Variants in CNGB3 observed in about 807,000 individuals in gnomAD.
CNGB3 encodes the protein cyclic nucleotide gated channel subunit beta 3.
A neutral mutation model predicts 92.8 loss-of-function variants in CNGB3; 86 were observed. The observed-to-expected ratio is 0.93, with a 90% confidence interval of 0.78 to 1.11. CNGB3 has a LOEUF of 1.11. Ranked by LOEUF, CNGB3 falls within the 50% of genes least tolerant of loss-of-function variation. The pLI, the probability that CNGB3 is intolerant of heterozygous loss-of-function variation, is 0.00. For missense variants in CNGB3, 1,026 were observed against 956.8 expected, an observed-to-expected ratio of 1.07 and a Z score of -0.95; for synonymous variants, 333 against 332.7, an observed-to-expected ratio of 1.00 and a Z score of -0.01.
chr8:86,707,468 T>C (rs78599189), intron 3 of CNGB3: 2 of 151,818 alleles, frequency 1.3e-5, no homozygotes, highest in African/African-American at 4.9e-5. Flanking sequence ...GAGGGAAGAG[T>C]TATGCAGATA....
intron 6 of CNGB3, chr8:86,660,464 A>C (rs575417171): frequency 1.9e-6 from 1 of 515,924 alleles, no homozygotes; most frequent in South Asian, 1.5e-5. Context: ...CCCATTGGTC[A>C]ATGAGAAAGA....
chr8:86,610,432 T>C (rs955516824), intron 14 of CNGB3, among the ~76,000 whole-genome samples: 1 of 149,130 alleles, frequency 6.7e-6, no homozygotes, highest in African/African-American at 2.6e-5. Context: ...CATTCTTTCC[T>C]CTACCCAGAA....
intron 10 of CNGB3, among the ~76,000 whole-genome samples, chr8:86,643,095 G>C (rs529289479): frequency 6.8e-6 from 1 of 147,034 alleles, no homozygotes; most frequent in Non-Finnish European, 1.5e-5. Flanking sequence ...GCCAACTCAG[G>C]ATACACACAC....
Position 86,628,911 on chromosome 8 carries a change from A to G in CNGB3, c.1480+8T>C, listed in dbSNP as rs758101563. 1 of 1,613,552 alleles carries G rather than the reference A, an allele frequency of 6.2e-7. No homozygotes were observed. The highest frequency in any genetic ancestry group is 1.7e-4 in the Middle Eastern group (1 of 6,054). ...ACAGGAATTTAATCGGTAATCTGCC[A>G]TGCTTACCTAGCATTCTTTGAGAGT... On this transcript the variant is annotated splice_region_variant and intron_variant, in intron 12 of 17. Transcript: ENST00000320005.
intron 2 of CNGB3, among the ~76,000 whole-genome samples, chr8:86,728,916 G>C (rs1825110934): frequency 1.3e-5 from 2 of 152,038 alleles, no homozygotes; most frequent in African/African-American, 4.8e-5. Flanking sequence ...TATTGGCTAT[G>C]GGTTTTTGTT....
At chr8:86,688,252 T>G (rs906847146) in intron 3 of CNGB3, among the ~76,000 whole-genome samples, 1 of 152,060 alleles carries the variant, frequency 6.6e-6, no homozygotes, top group Non-Finnish European at 1.5e-5. Flanking sequence ...TCAATAAATT[T>G]TGTACATTGA....
intron 6 of CNGB3, among the ~76,000 whole-genome samples, chr8:86,656,592 C>T (rs1442755166): frequency 3.9e-5 from 6 of 152,122 alleles, no homozygotes; most frequent in African/African-American, 1.2e-4. Context: ...AGTGACATTT[C>T]TTCAGGGGAG....
intron 1 of CNGB3, among the ~76,000 whole-genome samples, chr8:86,741,126 A>T (rs1825333078): frequency 6.6e-6 from 1 of 152,222 alleles, no homozygotes; most frequent in Admixed American, 6.5e-5. Context: ...TAAAAAACAC[A>T]ACATACATTG....
At chr8:86,739,620 G>GTTTTTTTT in intron 2 of CNGB3, 35 bp downstream of exon 2, 46 of 1,488,464 alleles carry the variant, frequency 3.1e-5, no homozygotes, top group East Asian at 1.7e-4. Flanking sequence ...TCACTTTTTA[G>GTTTTTTTT]TTTTTTTTTT....
intron 7 of CNGB3, among the ~76,000 whole-genome samples, chr8:86,648,485 T>C (rs1035126339): frequency 6.6e-6 from 1 of 151,194 alleles, no homozygotes; most frequent in African/African-American, 2.4e-5. Context: ...TTGCAATTAA[T>C]CAGCAGCTCT....
chr8:86,695,448 A>G (rs1029709408), intron 3 of CNGB3, among the ~76,000 whole-genome samples: 2 of 151,998 alleles, frequency 1.3e-5, no homozygotes, highest in South Asian at 2.1e-4. Flanking sequence ...GTTCAATTCT[A>G]TTGTTGAAAC....
chr8:86,628,922 G>T lies in CNGB3; in HGVS notation c.1477C>A (p.Leu493Ile), dbSNP rs1822903057. 1 of 1,613,776 alleles carries T rather than the reference G, an allele frequency of 6.2e-7. No homozygotes were observed. The highest frequency in any genetic ancestry group is 8.5e-7 in the Non-Finnish European group (1 of 1,179,770). ...ATCGGTAATCTGCCATGCTTACCTA[G>T]CATTCTTTGAGAGTCCCATGTATAT... ...YEYTWDSQRM[L>I]DESDLLKTLP... is the part of the protein sequence containing the mutation. Residue 493 changes from leucine to isoleucine, a missense_variant, in exon 12 of 18, where the codon CTA (leucine) becomes ATA (isoleucine). Physicochemically the swap from Leu to Ile is conservative, Grantham distance 5 (BLOSUM62 2). Transcript: ENST00000320005.
intron 3 of CNGB3, among the ~76,000 whole-genome samples, chr8:86,694,392 G>A (rs1035385854): frequency 4.0e-5 from 6 of 151,114 alleles, no homozygotes; most frequent in African/African-American, 1.5e-4. Flanking sequence ...TGGCTGGCCT[G>A]GCGGGGGCTG....
At chr8:86,674,031 T>C (rs1823917098) in intron 3 of CNGB3, among the ~76,000 whole-genome samples, 1 of 152,282 alleles carries the variant, frequency 6.6e-6, no homozygotes, top group Admixed American at 6.5e-5. Context: ...ACAACGTAGG[T>C]TTTAATAAAT....
chr8:86,587,830 T>C (rs1164616833), intron 15 of CNGB3, among the ~76,000 whole-genome samples: 2 of 152,004 alleles, frequency 1.3e-5, no homozygotes, highest in Non-Finnish European at 2.9e-5. Context: ...GGCTCTTTTT[T>C]GGTTCCATAT....
intron 3 of CNGB3, among the ~76,000 whole-genome samples, chr8:86,711,513 G>T (rs559293513): frequency 2.0e-5 from 3 of 152,026 alleles, no homozygotes; most frequent in Non-Finnish European, 4.4e-5. Flanking sequence ...CAGAAGTTCT[G>T]TCAGCTCTGG....
chr8:86,694,377 C>A (rs1260693383), intron 3 of CNGB3, among the ~76,000 whole-genome samples: 1 of 147,412 alleles, frequency 6.8e-6, no homozygotes, highest in East Asian at 2.1e-4. Context: ...CCCTCCCGGA[C>A]GGGGTGGCTG....
At chr8:86,583,376 T>C (rs1821829734) in intron 15 of CNGB3, among the ~76,000 whole-genome samples, 1 of 152,188 alleles carries the variant, frequency 6.6e-6, no homozygotes, top group African/African-American at 2.4e-5. Flanking sequence ...CATAGTGTTA[T>C]ATGATGGTAG....
chr8:86,622,984 TGGG>T (rs1822770792), intron 13 of CNGB3, among the ~76,000 whole-genome samples: 1 of 152,200 alleles, frequency 6.6e-6, no homozygotes, highest in Non-Finnish European at 1.5e-5. Flanking sequence ...CTTAGAGTCA[TGGG>T]TTAACCTAAT....
Sources: gnomAD v4.1 joint callset for allele counts (sites outside exome capture counted in the v4.1 genomes callset) on GRCh38, gnomAD v4.1.1 for gene constraint, MANE v1.5 for transcripts, NCBI Gene and HGNC (gene_info 2026-07-23, HGNC 2026-07-21) for gene names.